ATP11C: variants seen among roughly 807,000 people sequenced by gnomAD.
The protein encoded by ATP11C is ATPase phospholipid transporting 11C (ATP11C blood group).
In ATP11C, 36 loss-of-function variants were observed where a neutral mutation model predicts 97.4. The ratio of observed to expected loss-of-function variants is 0.37; its 90% CI spans 0.28 to 0.49. The LOEUF (loss-of-function observed/expected upper bound fraction) is 0.49. Ranked by LOEUF, ATP11C falls within the 20% of genes least tolerant of loss-of-function variation. ATP11C has a pLI of 0.98. For missense variants in ATP11C, 730 were observed against 824.6 expected (o/e 0.89, Z 1.40); for synonymous variants, 275 against 290.9 (o/e 0.95, Z 0.56).
chrX:139,808,650 TA>T (rs1400999852), intron 5 of ATP11C, among the ~76,000 whole-genome samples: 2 of 111,791 alleles, frequency 1.8e-5, no homozygotes, highest in Non-Finnish European at 3.8e-5. Context: ...GAAGGTGAGA[TA>T]AAAACTTTTC....
intron 27 of ATP11C, 129 bp downstream of exon 27, chrX:139,740,862 A>T: frequency 2.3e-6 from 1 of 432,101 alleles, no homozygotes; most frequent in Non-Finnish European, 4.1e-6. Flanking sequence ...TCAGGCCATT[A>T]ATATTAAAGA....
At chrX:139,735,453 T>C (rs752214699) in intron 28 of ATP11C, among the ~76,000 whole-genome samples, 4 of 111,797 alleles carry the variant, frequency 3.6e-5, no homozygotes, top group South Asian at 7.4e-4. Context: ...CATCGGGGGA[T>C]CTATCAGGAT....
At chrX:139,875,443 AAG>A (rs1241798784) in intron 1 of ATP11C, among the ~76,000 whole-genome samples, 6 of 108,228 alleles carry the variant, frequency 5.5e-5, no homozygotes, top group Non-Finnish European at 1.1e-4. Context: ...AAAAAGAAAA[AAG>A]AAATTAGCTG....
At chrX:139,812,893 A>T (rs1484065749) in intron 5 of ATP11C, among the ~76,000 whole-genome samples, 1 of 111,480 alleles carries the variant, frequency 9.0e-6, no homozygotes, top group African/African-American at 3.3e-5. Context: ...TCTTAACCTA[A>T]CCTAGTTCGG....
intron 25 of ATP11C, 48 bp from the exon 26 acceptor site, chrX:139,743,672 T>G: frequency 1.3e-6 from 1 of 773,896 alleles, no homozygotes; most frequent in Non-Finnish European, 1.8e-6. Context: ...ACAAGTATTA[T>G]CTTAGTATTT....
At chrX:139,802,381 T>G (rs1424424835) in intron 6 of ATP11C, 42 bp from the exon 7 acceptor site, 1 of 922,343 alleles carries the variant, frequency 1.1e-6, no homozygotes, top group Admixed American at 2.3e-5. Context: ...AAAAAAACTT[T>G]CTTTTCATAA....
Position 139,919,718 on chromosome X carries a change from G to A in ATP11C, c.27+12298C>T, listed in dbSNP as rs143963137. On this transcript the variant is annotated intron_variant, in intron 1 of 29. Transcript: ENST00000682941. ...GCGGATGACCTAAGGCCAAGAGTTC[G>A]AGACAAGCCTGGCCAATATGGTGAA... 2.7e-3 allele frequency among the ~76,000 whole-genome samples: 302 copies of A among 111,071 alleles called. 2 individuals carry two copies. The highest frequency in any genetic ancestry group is 8.0e-3 in the African/African-American group (246 of 30,606).
intron 19 of ATP11C, among the ~76,000 whole-genome samples, chrX:139,774,336 T>C (rs988164482): frequency 1.8e-5 from 2 of 112,179 alleles, no homozygotes; most frequent in African/African-American, 6.5e-5. Context: ...GTCATAAAGA[T>C]TGATTTTATT....
At chrX:139,894,301 A>T (rs1456319888) in intron 1 of ATP11C, among the ~76,000 whole-genome samples, 3 of 112,338 alleles carry the variant, frequency 2.7e-5, no homozygotes, top group African/African-American at 9.7e-5. Flanking sequence ...AGTATCACAC[A>T]ATCTTTTGTA....
At chrX:139,840,781 T>C (rs962097044) in intron 1 of ATP11C, among the ~76,000 whole-genome samples, 2 of 111,000 alleles carry the variant, frequency 1.8e-5, no homozygotes, top group Non-Finnish European at 3.8e-5. Flanking sequence ...GCAGGGTATT[T>C]TTCACAGCAT....
chrX:139,775,022 A>G (rs777447622), intron 18 of ATP11C, 69 bp from the exon 19 acceptor site: 2 of 1,058,933 alleles, frequency 1.9e-6, no homozygotes, highest in East Asian at 3.1e-5. Context: ...AAGGCTTATT[A>G]AAGAGAATAT....
chrX:139,861,283 T>C (rs935831434), intron 1 of ATP11C, among the ~76,000 whole-genome samples: 4 of 111,350 alleles, frequency 3.6e-5, no homozygotes, highest in African/African-American at 1.3e-4. Flanking sequence ...CATGAAGGTA[T>C]TCCCTCACTA....
chrX:139,868,049 T>G (rs2084312784), intron 1 of ATP11C, among the ~76,000 whole-genome samples: 1 of 111,515 alleles, frequency 9.0e-6, no homozygotes, highest in Admixed American at 9.5e-5. Context: ...AAAACCAGAT[T>G]TATGAGTGGA....
chrX:139,787,315 T>C (rs990007560), intron 14 of ATP11C, 71 bp from the exon 15 acceptor site: 6 of 914,955 alleles, frequency 6.6e-6, no homozygotes, highest in Non-Finnish European at 8.9e-6. Flanking sequence ...TTATTTTTTT[T>C]GAGACAGAGT....
At chrX:139,866,343 CAAAAAAAA>C (rs57250412) in intron 1 of ATP11C, among the ~76,000 whole-genome samples, 3,584 of 27,514 alleles carry the variant, frequency 0.13, 231 homozygotes, top group African/African-American at 0.27. Flanking sequence ...GACTCTGTCT[CAAAAAAAA>C]AAAAAAAAAA....
chrX:139,819,463 A>G lies in ATP11C; in HGVS notation c.148-36T>C, dbSNP rs748996776. ...GGAAGAAAAAAGAACACTGTTATGA[A>G]GAAAACTTGAAAAATCTTAATAGTA... On this transcript the variant is annotated intron_variant, in intron 2 of 29. Coordinates refer to ENST00000682941, the MANE Select transcript of ATP11C (RefSeq NM_001353812.2). The G allele has an allele frequency of 1.3e-5, 9 of 718,767 alleles. No homozygotes were observed. In the East Asian group the frequency reaches 3.0e-4, roughly 24 times the overall value. The allele number at this position is 718,767 out of a possible 1,213,427, so 59.2% of individuals were successfully genotyped here.
intron 1 of ATP11C, among the ~76,000 whole-genome samples, chrX:139,909,538 T>A (rs1197461970): frequency 1.9e-5 from 2 of 107,879 alleles, no homozygotes; most frequent in African/African-American, 6.8e-5. Flanking sequence ...ACTAAACACA[T>A]ACACACACAC....
At chrX:139,837,546 C>A (rs1442749353) in intron 1 of ATP11C, among the ~76,000 whole-genome samples, 2 of 112,494 alleles carry the variant, frequency 1.8e-5, no homozygotes, top group African/African-American at 3.2e-5. Context: ...AATTCTAAGT[C>A]TATTCTTACT....
chrX:139,862,544 A>G (rs1206420357), intron 1 of ATP11C, among the ~76,000 whole-genome samples: 2 of 112,040 alleles, frequency 1.8e-5, no homozygotes. Context: ...ACATTTTGTC[A>G]CGGAAGTCTT....
Sources: gnomAD v4.1 joint callset for allele counts (sites outside exome capture counted in the v4.1 genomes callset) on GRCh38, gnomAD v4.1.1 for gene constraint, MANE v1.5 for transcripts, NCBI Gene and HGNC (gene_info 2026-07-23, HGNC 2026-07-21) for gene names.